NIM1K: variants seen among roughly 807,000 people sequenced by gnomAD.
The protein encoded by NIM1K is NIM1 serine/threonine protein kinase.
In NIM1K, 35 loss-of-function variants were observed where a neutral mutation model predicts 37.1. The ratio of observed to expected loss-of-function variants is 0.94; its 90% CI spans 0.72 to 1.25. The LOEUF is 1.25. Ranked by LOEUF, NIM1K falls within the 50% of genes most tolerant of loss-of-function variation. The pLI is 0.00. For missense variants in NIM1K, 564 were observed against 548.0 expected, an observed-to-expected ratio of 1.03 and a Z score of -0.29; for synonymous variants, 234 against 206.6, an observed-to-expected ratio of 1.13 and a Z score of -1.14.
At chr5:43,278,563 G>T (rs578142273) in intron 3 of NIM1K, among the ~76,000 whole-genome samples, 48 of 152,138 alleles carry the variant, frequency 3.2e-4, no homozygotes, top group Non-Finnish European at 5.4e-4. Context: ...GATCCCAGTT[G>T]AACGGATCTG....
rs1177670591 is a variant in NIM1K at position 43,245,656 on chromosome 5, A to G, written c.-120A>G. ...GAGGGAGGCTGCTCAGCTCTCAGGA[A>G]AACTCTTTTGAACCCTGGGCACCTG... On this transcript the variant is annotated 5_prime_UTR_variant, in exon 2 of 4. Coordinates refer to ENST00000326035, the MANE Select transcript of NIM1K (RefSeq NM_153361.4). The G allele has an allele frequency of 1.0e-6, 1 of 955,518 alleles. No homozygotes were observed. 59.2% of individuals were successfully genotyped at this position (955,518 alleles called of 1,614,324 possible).
At position 43,272,761 on chromosome 5, in the gene NIM1K, A is replaced by G. The variant is rs868469391; in HGVS notation, c.293-4296A>G. ...GTTGTTGATACTTAATAATTGGAAGATTTTGCATAAAGTTTCAGATGTCTG... is the reference window on the plus strand; with the variant it reads ...GTTGTTGATACTTAATAATTGGAAGGTTTTGCATAAAGTTTCAGATGTCTG... On this transcript the variant is annotated intron_variant, in intron 2 of 3. Transcript: ENST00000326035. Among the ~76,000 whole-genome samples the G allele has an allele frequency of 2.6e-5, 4 of 152,110 alleles. No individual in the cohort carries two copies. In the South Asian group the frequency reaches 6.2e-4, roughly 24 times the overall value.
chr5:43,277,815 T>TGTGTGTGTGTGTGTGA (rs532526440), intron 3 of NIM1K, among the ~76,000 whole-genome samples: 2 of 128,948 alleles, frequency 1.6e-5, no homozygotes, highest in African/African-American at 5.8e-5. Flanking sequence ...TGTGTGTGTG[T>TGTGTGTGTGTGTGTGA]GAGAGAGAGA....
intron 1 of NIM1K, chr5:43,240,228 C>T (rs1579974263): frequency 1.3e-5 from 2 of 151,792 alleles, no homozygotes; most frequent in East Asian, 3.9e-4. Flanking sequence ...TGTGCGCCAC[C>T]CAGCTAATTT....
intron 2 of NIM1K, among the ~76,000 whole-genome samples, 185 bp downstream of exon 2, chr5:43,246,252 C>CA (rs2112263512): frequency 1.3e-5 from 2 of 152,268 alleles, no homozygotes; most frequent in African/African-American, 4.8e-5. Flanking sequence ...CATGTGAGGT[C>CA]AATATTTTTT....
chr5:43,225,406 A>G lies in NIM1K; in HGVS notation c.-694-19676A>G, dbSNP rs191810794. 1.8e-3 allele frequency: 268 copies of G among 151,796 alleles called. 6 individuals are homozygous for G. Among genetic ancestry groups the G allele is most frequent in the African/African-American group, 6.0e-3 (250 of 41,448 alleles). The allele number at this position is 151,796 out of a possible 1,614,324, so 9.4% of individuals were successfully genotyped here. A position where few individuals can be genotyped will look rare whatever the true frequency, so the allele number is the denominator to read the frequency against. ...ATAAAAGTTATTTTCTTTTTTTTTAAGTTGAACAATTTTAATTAAGTTACT... is the reference window on the plus strand; with the variant it reads ...ATAAAAGTTATTTTCTTTTTTTTTAGGTTGAACAATTTTAATTAAGTTACT... On this transcript the variant is annotated intron_variant, in intron 1 of 3. Transcript: ENST00000326035.
chr5:43,206,909 GT>G, intron 1 of NIM1K: 1 of 769,340 alleles, frequency 1.3e-6, no homozygotes, highest in Non-Finnish European at 2.4e-6. Flanking sequence ...CACATGGATT[GT>G]GTTGCTGGAT....
chr5:43,241,712 T>C (rs1014512115), intron 1 of NIM1K, among the ~76,000 whole-genome samples: 2 of 152,052 alleles, frequency 1.3e-5, no homozygotes, highest in Non-Finnish European at 2.9e-5. Context: ...TTGTTTATTA[T>C]ATTTGTTGGA....
At chr5:43,236,133 G>C (rs1752618061) in intron 1 of NIM1K, among the ~76,000 whole-genome samples, 2 of 152,042 alleles carry the variant, frequency 1.3e-5, no homozygotes, top group South Asian at 4.2e-4. Flanking sequence ...AGGCATGGTG[G>C]TGTGTACCAG....
At chr5:43,218,120 C>T (rs925386263) in intron 1 of NIM1K, among the ~76,000 whole-genome samples, 3 of 152,110 alleles carry the variant, frequency 2.0e-5, no homozygotes, top group Non-Finnish European at 4.4e-5. Flanking sequence ...AAGTGATTCT[C>T]CTGTCTCAGC....
intron 3 of NIM1K, among the ~76,000 whole-genome samples, chr5:43,279,478 C>G (rs377491850): frequency 6.6e-6 from 1 of 152,176 alleles, no homozygotes; most frequent in Non-Finnish European, 1.5e-5. Flanking sequence ...CATGTGCCCA[C>G]AATCCACAGT....
intron 2 of NIM1K, among the ~76,000 whole-genome samples, chr5:43,263,988 GT>G (rs1753078830): frequency 6.6e-6 from 1 of 152,172 alleles, no homozygotes; most frequent in South Asian, 2.1e-4. Flanking sequence ...CTGAGAGACA[GT>G]TTGTTATAAT....
intron 2 of NIM1K, among the ~76,000 whole-genome samples, chr5:43,260,725 A>G (rs1219893145): frequency 6.6e-6 from 1 of 151,984 alleles, no homozygotes; most frequent in Non-Finnish European, 1.5e-5. Flanking sequence ...CTGATCATTT[A>G]CATTAGGTAT....
intron 2 of NIM1K, among the ~76,000 whole-genome samples, chr5:43,249,767 A>G (rs1208391886): frequency 6.6e-6 from 1 of 151,982 alleles, no homozygotes; most frequent in African/African-American, 2.4e-5. Flanking sequence ...TCACTGAAGG[A>G]GACTGTGGAG....
intron 1 of NIM1K, among the ~76,000 whole-genome samples, chr5:43,210,648 A>G (rs892150779): frequency 6.6e-6 from 1 of 152,196 alleles, no homozygotes; most frequent in African/African-American, 2.4e-5. Context: ...ATTGTCATGT[A>G]CAAAGACATA....
chr5:43,231,201 C>T (rs957935010), intron 1 of NIM1K, among the ~76,000 whole-genome samples: 2 of 152,176 alleles, frequency 1.3e-5, no homozygotes, highest in Admixed American at 1.3e-4. Flanking sequence ...CTTGTTGTCG[C>T]AGCTACTCAG....
chr5:43,232,742 C>A, intron 1 of NIM1K: 1 of 1,212,288 alleles, frequency 8.2e-7, no homozygotes. Context: ...GAACCAATTC[C>A]TTCACCAAAG....
At chr5:43,279,831 T>C in intron 3 of NIM1K, 149 bp from the exon 4 acceptor site, 1 of 675,776 alleles carries the variant, frequency 1.5e-6, no homozygotes, top group South Asian at 1.9e-5. Context: ...GGCTAAAGGT[T>C]ATGACAGGGT....
intron 1 of NIM1K, among the ~76,000 whole-genome samples, chr5:43,241,957 G>A (rs1752709289): frequency 6.6e-6 from 1 of 151,984 alleles, no homozygotes; most frequent in Non-Finnish European, 1.5e-5. Context: ...ATAGGGGTTT[G>A]GCTTTTTCCC....
Sources: allele counts gnomAD v4.1 joint callset (sites outside exome capture counted in the v4.1 genomes callset), GRCh38; gene constraint gnomAD v4.1.1; transcripts MANE v1.5; gene names NCBI Gene and HGNC (gene_info 2026-07-23, HGNC 2026-07-21).